DPH6: variants seen among roughly 807,000 people sequenced by gnomAD.
DPH6 encodes diphthamine biosynthesis 6.
In DPH6, 33 loss-of-function variants were observed where a neutral mutation model predicts 38.2. The observed-to-expected ratio is 0.86, with a 90% CI of 0.65 to 1.15. The LOEUF (loss-of-function observed/expected upper bound fraction) is 1.15, where lower values mean the gene tolerates loss of function less well. Among genes scored for constraint, DPH6 ranks in the 50% most tolerant of loss-of-function variants. The pLI, the probability that DPH6 is intolerant of heterozygous loss-of-function variation, is 0.00. For synonymous variants in DPH6, 108 were observed against 103.0 expected (o/e 1.05, Z -0.30); for missense variants, 325 against 320.0 (o/e 1.02, Z -0.12).
the DPH6 span, among the ~76,000 whole-genome samples, chr15:35,158,183 T>C: frequency 6.7e-6 from 1 of 149,786 alleles, no homozygotes; most frequent in African/African-American, 2.5e-5. Context: ...TTTTGCATCA[T>C]GGTCCCTCTC....
chr15:35,422,712 T>C (rs1329051147), intron 5 of DPH6, among the ~76,000 whole-genome samples: 1 of 151,884 alleles, frequency 6.6e-6, no homozygotes, highest in Non-Finnish European at 1.5e-5. Context: ...TTAATCAACA[T>C]CTTCCCAAAT....
the DPH6 span, among the ~76,000 whole-genome samples, chr15:35,167,969 C>T: frequency 6.6e-6 from 1 of 151,936 alleles, no homozygotes; most frequent in Non-Finnish European, 1.5e-5. Flanking sequence ...TTTGGCCCTG[C>T]GGATCTAGTC....
In DPH6 at chr15:35,387,222, G is replaced by C. The variant is rs561576259; in HGVS notation, c.568-5306C>G. On this transcript the variant is annotated intron_variant, in intron 6 of 8. Transcript: ENST00000256538. ...CTATATCTCTGTTTTGGTACCAGTAGCATGCTGTTTTGGTTACTGTAGCCT... is the reference window on the plus strand; with the variant it reads ...CTATATCTCTGTTTTGGTACCAGTACCATGCTGTTTTGGTTACTGTAGCCT... Among the ~76,000 whole-genome samples, 454 of 152,140 alleles carry C rather than the reference G, an allele frequency of 3.0e-3. 2 individuals carry two copies. The highest frequency in any genetic ancestry group is 0.01 in the African/African-American group (420 of 41,518).
chr15:35,281,472 A>T (rs988425588), intron 3 of DPH6, among the ~76,000 whole-genome samples: 9 of 152,086 alleles, frequency 5.9e-5, no homozygotes, highest in African/African-American at 2.2e-4. Context: ...GCTAATAATA[A>T]TTTTTTTTCA....
intron 3 of DPH6, chr15:35,520,465 T>C: frequency 6.1e-6 from 6 of 984,084 alleles, no homozygotes; most frequent in Non-Finnish European, 6.0e-6. Flanking sequence ...CCATATATTT[T>C]CTATTCTCTC....
At chr15:35,292,225 A>C (rs2051984843) in intron 3 of DPH6, among the ~76,000 whole-genome samples, 1 of 152,194 alleles carries the variant, frequency 6.6e-6, no homozygotes, top group Non-Finnish European at 1.5e-5. Context: ...TTGTATCCAA[A>C]GTAAACACGC....
At chr15:35,302,254 G>GT (rs1296263842) in intron 3 of DPH6, among the ~76,000 whole-genome samples, 2 of 151,986 alleles carry the variant, frequency 1.3e-5, no homozygotes, top group East Asian at 3.8e-4. Flanking sequence ...TGTATTTTCT[G>GT]TATAACCCAT....
chr15:35,489,561 T>C (rs16961091), intron 3 of DPH6: 53,884 of 982,422 alleles, frequency 0.055, 2,083 homozygotes, highest in African/African-American at 0.19. Flanking sequence ...CTTTCTCATG[T>C]TTAAATTTTT....
chr15:35,395,067 G>A (rs188185772), intron 6 of DPH6, among the ~76,000 whole-genome samples: 1 of 152,264 alleles, frequency 6.6e-6, no homozygotes, highest in East Asian at 1.9e-4. Context: ...ATATGTGTAA[G>A]GTCAAGCTTA....
chr15:35,192,803 T>C, the DPH6 span, among the ~76,000 whole-genome samples: 1 of 152,212 alleles, frequency 6.6e-6, no homozygotes, highest in Admixed American at 6.6e-5. Flanking sequence ...CAACATTCAT[T>C]TATTTATTTC....
chr15:35,287,473 TG>T (rs1373984123), intron 3 of DPH6, among the ~76,000 whole-genome samples: 1 of 152,206 alleles, frequency 6.6e-6, no homozygotes, highest in Non-Finnish European at 1.5e-5. Flanking sequence ...TTGATCTACT[TG>T]TAATTGTAGG....
chr15:35,276,608 G>C (rs1026366624), intron 3 of DPH6, among the ~76,000 whole-genome samples: 14 of 152,150 alleles, frequency 9.2e-5, no homozygotes, highest in Non-Finnish European at 1.6e-4. Context: ...GTTGATTTTT[G>C]TATAAGGTGA....
rs77583681 is a variant in DPH6 at position 35,409,289 on chromosome 15, G to A, written c.567+1546C>T. ...CTTAAAGTAAGGGGGAAGGTGAAGG[G>A]ATTTTAAATTTGAGGAGAATGGAGA... On this transcript the variant is annotated intron_variant, in intron 6 of 8. Transcript: ENST00000256538. 1.5e-4 allele frequency among the ~76,000 whole-genome samples: 23 copies of A among 151,908 alleles called. No homozygotes were observed. In the East Asian group the frequency reaches 3.7e-3, roughly 24 times the overall value.
chr15:35,333,924 C>A (rs1283441204), intron 3 of DPH6, among the ~76,000 whole-genome samples: 2 of 152,224 alleles, frequency 1.3e-5, no homozygotes, highest in South Asian at 2.1e-4. Context: ...TACATATACA[C>A]CATGGAGTAC....
At chr15:35,545,689 G>C (rs1033079403) in intron 1 of DPH6, among the ~76,000 whole-genome samples, 1 of 152,128 alleles carries the variant, frequency 6.6e-6, no homozygotes, top group Non-Finnish European at 1.5e-5. Flanking sequence ...AAGAAAGCGA[G>C]GGGGAAAGGG....
At chr15:35,517,975 T>C (rs1017799310) in intron 3 of DPH6, among the ~76,000 whole-genome samples, 4 of 152,074 alleles carry the variant, frequency 2.6e-5, no homozygotes, top group African/African-American at 9.7e-5. Flanking sequence ...ATGCCAGAAG[T>C]ATGTTTGTTT....
At position 35,249,294 on chromosome 15, in the gene DPH6, T is replaced by C. The variant is rs115380445; in HGVS notation, n.201-28712A>G. ...TAACACCTGAAGAAATCCTGTCATA[T>C]ACCAGAAAAACAGGAAAGGCTTGAG... On this transcript the variant is annotated intron_variant and non_coding_transcript_variant, in intron 3 of 3. Coordinates refer to the DPH6 transcript ENST00000560386. Among the ~76,000 whole-genome samples, 669 of 152,306 alleles carry C rather than the reference T, an allele frequency of 4.4e-3. 5 individuals are homozygous for C. The highest frequency in any genetic ancestry group is 0.015 in the African/African-American group (616 of 41,566).
chr15:35,256,129 T>C (rs1395773767), intron 3 of DPH6, among the ~76,000 whole-genome samples: 1 of 152,172 alleles, frequency 6.6e-6, no homozygotes, highest in African/African-American at 2.4e-5. Flanking sequence ...TAACATCTTA[T>C]ATTACCATGG....
intron 6 of DPH6, among the ~76,000 whole-genome samples, chr15:35,393,308 T>C (rs558276442): frequency 6.6e-6 from 1 of 152,270 alleles, no homozygotes; most frequent in South Asian, 2.1e-4. Context: ...AAATGTAGTA[T>C]CTCTTCCTCT....
Sources: allele counts gnomAD v4.1 joint callset (sites outside exome capture counted in the v4.1 genomes callset), GRCh38; gene constraint gnomAD v4.1.1; transcripts MANE v1.5; gene names NCBI Gene and HGNC (gene_info 2026-07-23, HGNC 2026-07-21).